KHDC1: variants seen among roughly 807,000 people sequenced by gnomAD.
KHDC1 encodes KH domain containing 1.
In KHDC1, 21 loss-of-function variants were observed where a neutral mutation model predicts 24.7. The observed-to-expected ratio is 0.85, with a 90% CI of 0.60 to 1.23. The LOEUF is 1.23. Ranked by LOEUF, KHDC1 falls within the 50% of genes most tolerant of loss-of-function variation. The pLI is 0.00. For synonymous variants in KHDC1, 98 were observed against 111.7 expected, an observed-to-expected ratio of 0.88 and a Z score of 0.77; for missense variants, 274 against 298.5, an observed-to-expected ratio of 0.92 and a Z score of 0.61.
intron 2 of KHDC1, chr6:73,263,088 A>G (rs1767014214): frequency 5.9e-6 from 6 of 1,011,170 alleles, no homozygotes; most frequent in Non-Finnish European, 5.9e-6. Context: ...CAGCGGCTGC[A>G]GGCCTGGCCG....
intron 2 of KHDC1, chr6:73,291,298 T>C (rs1767646462): frequency 4.5e-6 from 1 of 222,904 alleles, no homozygotes; most frequent in African/African-American, 2.3e-5. Context: ...TTAAACAAGA[T>C]GGAAATAACG....
At chr6:73,262,791 T>G (rs544798696) in intron 2 of KHDC1, 1 of 985,556 alleles carries the variant, frequency 1.0e-6, no homozygotes, top group East Asian at 1.1e-4. Context: ...GATGCTCTCT[T>G]GCAGACACGC....
chr6:73,246,999 CAG>C lies in KHDC1; in HGVS notation c.207-4471_207-4470del, dbSNP rs1377718295. On this transcript the variant is annotated intron_variant, in intron 2 of 4. Coordinates refer to ENST00000370384, the Ensembl canonical transcript of KHDC1. Reference sequence around the variant, plus strand: ...TTTTTTTTTTCTGTTTTTTTTGAGACAGAGTTTTGCTATTGTTGCCCAGGCTG... The same window carrying C: ...TTTTTTTTTTCTGTTTTTTTTGAGACAGTTTTGCTATTGTTGCCCAGGCTG... 4.7e-5 allele frequency among the ~76,000 whole-genome samples: 7 copies of C among 149,534 alleles called. No homozygotes were observed. The East Asian group carries it at 1.2e-3, about 25-fold the overall frequency.
chr6:73,241,865 C>A, intron 4 of KHDC1, 137 bp from the exon 4 acceptor site: 1 of 1,067,218 alleles, frequency 9.4e-7, no homozygotes. Context: ...TTTACACCTC[C>A]CAGCTACCTC....
chr6:73,281,873 G>A (rs915740683), intron 2 of KHDC1, among the ~76,000 whole-genome samples: 3 of 151,702 alleles, frequency 2.0e-5, no homozygotes, highest in African/African-American at 7.3e-5. Flanking sequence ...GACTTTTTTT[G>A]TTTTTGATGA....
chr6:73,304,842 T>C (rs1767933514), intron 1 of KHDC1, among the ~76,000 whole-genome samples: 1 of 152,050 alleles, frequency 6.6e-6, no homozygotes, highest in Admixed American at 6.6e-5. Flanking sequence ...TCTTTGGAGG[T>C]CTTTGAAAAC....
chr6:73,274,319 T>G (rs973860662), intron 2 of KHDC1: 1 of 152,234 alleles, frequency 6.6e-6, no homozygotes, highest in African/African-American at 2.4e-5. Context: ...TTCTATTTAT[T>G]AGCTGGTTAG....
intron 2 of KHDC1, among the ~76,000 whole-genome samples, chr6:73,255,785 C>T (rs191571204): frequency 0.013 from 1,900 of 151,440 alleles, 31 homozygotes; most frequent in African/African-American, 0.042. Context: ...ACCTTTCATC[C>T]CAGCTACTCA....
At chr6:73,274,163 T>G (rs1767235583) in intron 2 of KHDC1, 1 of 152,160 alleles carries the variant, frequency 6.6e-6, no homozygotes, top group African/African-American at 2.4e-5. Flanking sequence ...ATTAAATCAA[T>G]TTTTATCCAA....
chr6:73,301,424 G>C (rs979083271), intron 1 of KHDC1: 2 of 152,152 alleles, frequency 1.3e-5, no homozygotes, highest in African/African-American at 4.8e-5. Flanking sequence ...GATTTCGAGA[G>C]CATTCTGGGA....
At chr6:73,250,259 TA>T (rs1766753979) in intron 2 of KHDC1, among the ~76,000 whole-genome samples, 1 of 152,220 alleles carries the variant, frequency 6.6e-6, no homozygotes. Flanking sequence ...TCCAGGTGAT[TA>T]GTTTAAACTA....
At chr6:73,310,160 A>G (rs531011165) in exon 1 of KHDC1, 3 of 186,608 alleles carry the variant, frequency 1.6e-5, no homozygotes, top group African/African-American at 2.4e-5. Context: ...GCACTGTAGC[A>G]GGAGGGTCTG....
At chr6:73,304,146 A>T (rs918169029) in intron 1 of KHDC1, among the ~76,000 whole-genome samples, 4 of 151,892 alleles carry the variant, frequency 2.6e-5, no homozygotes, top group Non-Finnish European at 4.4e-5. Context: ...GCCACTGCAC[A>T]CCAGCCTAGG....
intron 2 of KHDC1, among the ~76,000 whole-genome samples, chr6:73,251,393 C>T (rs932030967): frequency 4.6e-5 from 7 of 151,946 alleles, no homozygotes; most frequent in Non-Finnish European, 1.0e-4. Context: ...GGAATAGGTC[C>T]AATATATGTA....
exon 5 of KHDC1, chr6:73,241,652 T>C: frequency 6.2e-7 from 1 of 1,614,144 alleles, no homozygotes; most frequent in South Asian, 1.1e-5. Flanking sequence ...CTCCAGTGTA[T>C]GGTGGCACAC....
At chr6:73,259,278 T>C (rs1316870470) in intron 2 of KHDC1, among the ~76,000 whole-genome samples, 6 of 144,994 alleles carry the variant, frequency 4.1e-5, no homozygotes, top group Non-Finnish European at 9.0e-5. Context: ...AAATCCAATA[T>C]GCTTTTTTTT....
At chr6:73,302,848 G>A (rs936056760) in intron 1 of KHDC1, among the ~76,000 whole-genome samples, 1 of 152,154 alleles carries the variant, frequency 6.6e-6, no homozygotes, top group Non-Finnish European at 1.5e-5. Flanking sequence ...AGGCCGAGGT[G>A]TGCCGATCAC....
At chr6:73,302,249 A>G (rs543991606) in intron 1 of KHDC1, among the ~76,000 whole-genome samples, 13 of 152,294 alleles carry the variant, frequency 8.5e-5, no homozygotes, top group African/African-American at 3.1e-4. Context: ...AGATCGTGCC[A>G]TTGCACTCCA....
chr6:73,290,272 T>TC lies in KHDC1; in HGVS notation c.206+1725dup, dbSNP rs761541757. On this transcript the variant is annotated intron_variant, in intron 2 of 4. Coordinates refer to ENST00000370384, the Ensembl canonical transcript of KHDC1. ...AGCCTGGTGACAGAGCGAGACTTCATCCCAAAAAAAAAAAGAAAAGAAAAA... is the reference window on the plus strand; with the variant it reads ...AGCCTGGTGACAGAGCGAGACTTCATCCCCAAAAAAAAAAAGAAAAGAAAAA... 216 of 165,994 alleles carry TC rather than the reference T, an allele frequency of 1.3e-3. 2 individuals are homozygous for TC. The highest frequency in any genetic ancestry group is 4.7e-3 in the African/African-American group (180 of 38,358). The allele number at this position is 165,994 out of a possible 1,614,324, so 10.3% of individuals were successfully genotyped here. A position where few individuals can be genotyped will look rare whatever the true frequency, so the allele number is the denominator to read the frequency against.
Sources: allele counts gnomAD v4.1 joint callset (sites outside exome capture counted in the v4.1 genomes callset), GRCh38; gene constraint gnomAD v4.1.1; transcripts MANE v1.5; gene names NCBI Gene and HGNC (gene_info 2026-07-23, HGNC 2026-07-21).